The following MPDZ variants were observed in gnomAD, a reference collection of about 807,000 sequenced individuals.
MPDZ encodes multiple PDZ domain crumbs cell polarity complex component, also known as multiple PDZ domain protein.
A neutral mutation model predicts 239.1 loss-of-function variants in MPDZ; 234 were observed. The ratio of observed to expected loss-of-function variants is 0.98; its 90% CI spans 0.88 to 1.09. The LOEUF is 1.09. Among genes scored for constraint, MPDZ ranks in the 50% least tolerant of loss-of-function variants. The probability of loss-of-function intolerance (pLI) is 0.00; values close to 1 mark genes in which losing one functional copy is unlikely to be tolerated. For missense variants in MPDZ, 3,175 were observed against 2,510.0 expected (o/e 1.26, Z -5.66); for synonymous variants, 1,048 against 881.3 (o/e 1.19, Z -3.35).
rs960163225 is a variant in MPDZ, at chr9:13,136,261, T to C, written c.4293-79A>G. On this transcript the variant is annotated intron_variant, in intron 30 of 46. Coordinates refer to ENST00000319217, the MANE Select transcript of MPDZ (RefSeq NM_001378778.1). ...TCTTACTTCAAGAGTCAGAAGGTTA[T>C]TAGAGAAAATTATTTAACCCCCAAA... 4.7e-5 allele frequency: 41 copies of C among 876,744 alleles called. No individual in the cohort carries two copies. In the African/African-American group the frequency reaches 7.0e-4, roughly 15 times the overall value. 54.3% of individuals were successfully genotyped at this position (876,744 alleles called of 1,614,324 possible).
Position 13,125,335 on chromosome 9 carries a change from T to C in MPDZ, c.4688A>G (p.Glu1563Gly). The C allele has an allele frequency of 6.2e-7, 1 of 1,613,856 alleles. No individual in the cohort carries two copies. The highest frequency in any genetic ancestry group is 8.5e-7 in the Non-Finnish European group (1 of 1,179,734). The change falls in exon 35 of 47, where the codon GAG (glutamate) becomes GGG (glycine). Residue 1563 changes from glutamate (E) to glycine (G), a missense_variant. Transcript: ENST00000319217. ...AGGAACAGCCTGGGAATCTGGATTCTCAGCATGGATGGTAAGTTTTACTGT... is the reference window on the plus strand; with the variant it reads ...AGGAACAGCCTGGGAATCTGGATTCCCAGCATGGATGGTAAGTTTTACTGT... The part of the protein sequence containing the change: ...KMTVKLTIHA[E>G]NPDSQAVPSA...
chr9:13,181,299 A>C (rs922074294), intron 19 of MPDZ, among the ~76,000 whole-genome samples: 6 of 152,176 alleles, frequency 3.9e-5, no homozygotes, highest in Non-Finnish European at 7.3e-5. Context: ...TTTAAGAAAA[A>C]TTGTCAATTG....
At chr9:13,216,953 A>G in intron 9 of MPDZ, 91 bp from the exon 10 acceptor site, 1 of 996,796 alleles carries the variant, frequency 1.0e-6, no homozygotes, top group Non-Finnish European at 1.5e-6. Flanking sequence ...GCTCTAATTC[A>G]GAATAAATAC....
intron 6 of MPDZ, 77 bp from the exon 7 acceptor site, chr9:13,221,577 C>CTACT: frequency 6.7e-7 from 1 of 1,483,374 alleles, no homozygotes; most frequent in South Asian, 1.4e-5. Flanking sequence ...GAAATTTTTG[C>CTACT]GATTATTTTG....
intron 32 of MPDZ, 92 bp downstream of exon 32, chr9:13,133,732 A>T: frequency 2.3e-6 from 2 of 861,664 alleles, no homozygotes; most frequent in Non-Finnish European, 3.7e-6. Context: ...TGATGCTGTT[A>T]ATCTGGAGAC....
intron 31 of MPDZ, chr9:13,134,299 G>A (rs1390678923): frequency 6.6e-6 from 1 of 152,214 alleles, no homozygotes; most frequent in Non-Finnish European, 1.5e-5. Flanking sequence ...ATTCTTTACT[G>A]TGTTATTTAT....
intron 3 of MPDZ, among the ~76,000 whole-genome samples, chr9:13,234,102 T>C (rs1963294333): frequency 6.6e-6 from 1 of 152,182 alleles, no homozygotes; most frequent in Non-Finnish European, 1.5e-5. Context: ...ATAATAATTA[T>C]GCCATACTTT....
At position 13,219,594 on chromosome 9, in the gene MPDZ, G is replaced by A. The variant is rs3739757; in HGVS notation, c.1051C>T (p.Leu351Phe). The part of the protein sequence containing the change: ...RTAPTALGIT[L>F]SSSPTSTPEL... ...GGTGTTGAAGTTGGGGATGAGGAGA[G>A]GGTGATGCCCAAAGCAGTGGGTGCT... The change falls in exon 8 of 47, where the codon CTC (leucine) becomes TTC (phenylalanine). Residue 351 changes from leucine (L) to phenylalanine (F), a missense_variant. By Grantham distance (22) the Leu-to-Phe change is conservative (BLOSUM62 0). Transcript: ENST00000319217. 8.4e-4 allele frequency: 1,355 copies of A among 1,612,230 alleles called. 32 individuals are homozygous for A. In the East Asian group the frequency reaches 0.03, roughly 35 times the overall value.
chr9:13,118,670 C>G (rs1286864739), intron 39 of MPDZ, among the ~76,000 whole-genome samples: 1 of 152,176 alleles, frequency 6.6e-6, no homozygotes, highest in Admixed American at 6.5e-5. Flanking sequence ...TACAGGAATG[C>G]AAATCCCCTC....
Position 13,198,733 on chromosome 9 carries a change from C to CTGTG in MPDZ, c.1547-2504_1547-2503insCACA, listed in dbSNP as rs746268904. Among the ~76,000 whole-genome samples the CTGTG allele has an allele frequency of 8.4e-3, 748 of 89,422 alleles. 17 individuals carry two copies. The highest frequency in any genetic ancestry group is 0.039 in the South Asian group (109 of 2,792). The allele number at this position is 89,422 out of a possible 152,430, so 58.7% of individuals were successfully genotyped here. ...TCTTATATTTAGGTCTTTAATCTCT[C>CTGTG]TCTCTGTGTGTGTGTGTGTGTGTGT... On this transcript the variant is annotated intron_variant, in intron 12 of 46. Coordinates refer to ENST00000319217, the MANE Select transcript of MPDZ (RefSeq NM_001378778.1).
At chr9:13,251,581 C>T (rs1968029322) in intron 1 of MPDZ, among the ~76,000 whole-genome samples, 1 of 152,150 alleles carries the variant, frequency 6.6e-6, no homozygotes, top group Admixed American at 6.5e-5. Flanking sequence ...AAATCTACCA[C>T]CACACGTTCT....
rs765000675 is a variant in MPDZ at position 13,121,810 on chromosome 9, C to T, written c.5160G>A (p.Val1720=). The T allele has an allele frequency of 3.1e-6, 5 of 1,613,874 alleles. No individual in the cohort carries two copies. The highest frequency in any genetic ancestry group is 2.5e-6 in the Non-Finnish European group (3 of 1,179,906). Residue 1720 remains valine, a synonymous_variant, in exon 38 of 47, where the codon GTG becomes GTA. Transcript: ENST00000319217. ...GCAGCTCAATAGTGAGGGTGTCACA[C>T]ACTTCCTCCTCTTTGTATGGGGCCT... ...RDEAPYKEEE[V]CDTLTIELQK...
At chr9:13,235,469 CTAAT>C (rs1411478362) in intron 3 of MPDZ, among the ~76,000 whole-genome samples, 4 of 152,236 alleles carry the variant, frequency 2.6e-5, no homozygotes, top group African/African-American at 9.6e-5. Flanking sequence ...TCCATAATCA[CTAAT>C]GTGTTAAATA....
intron 1 of MPDZ, among the ~76,000 whole-genome samples, chr9:13,260,155 A>G (rs1205127108): frequency 6.6e-6 from 1 of 151,978 alleles, no homozygotes; most frequent in African/African-American, 2.4e-5. Context: ...AAGAGTTTAG[A>G]TTTAATTAGA....
intron 13 of MPDZ, among the ~76,000 whole-genome samples, chr9:13,194,568 A>T (rs931214025): frequency 2.7e-4 from 41 of 152,208 alleles, no homozygotes; most frequent in African/African-American, 9.6e-4. Context: ...AAGGGGAGGG[A>T]GAGCATTAGG....
At position 13,168,234 on chromosome 9, in the gene MPDZ, T is replaced by C. The variant is rs558193002; in HGVS notation, c.3254+132A>G. 4.3e-5 allele frequency: 35 copies of C among 810,386 alleles called. No homozygotes were observed. In the South Asian group the frequency reaches 6.1e-4, roughly 14 times the overall value. 50.2% of individuals were successfully genotyped at this position (810,386 alleles called of 1,614,324 possible). A position where few individuals can be genotyped will look rare whatever the true frequency, so the allele number is the denominator to read the frequency against. On this transcript the variant is annotated intron_variant, in intron 22 of 46. Transcript: ENST00000319217. ...GAGAACTACTCAAAAATAGTCAATTTCTTGAGTGATTTATGTTAAAAAAAA... is the reference window on the plus strand; with the variant it reads ...GAGAACTACTCAAAAATAGTCAATTCCTTGAGTGATTTATGTTAAAAAAAA...
intron 12 of MPDZ, among the ~76,000 whole-genome samples, chr9:13,202,497 C>T (rs1478278531): frequency 6.6e-6 from 1 of 152,136 alleles, no homozygotes; most frequent in African/African-American, 2.4e-5. Context: ...TTCAACATGG[C>T]GTACCCACTT....
At chr9:13,145,036 G>C (rs1948244770) in intron 26 of MPDZ, among the ~76,000 whole-genome samples, 1 of 151,954 alleles carries the variant, frequency 6.6e-6, no homozygotes, top group Non-Finnish European at 1.5e-5. Flanking sequence ...TTTAAAGAAA[G>C]CTCTAGTTTT....
At chr9:13,196,039 A>G in intron 13 of MPDZ, 82 bp downstream of exon 13, 1 of 859,798 alleles carries the variant, frequency 1.2e-6, no homozygotes, top group South Asian at 1.9e-5. Flanking sequence ...TGGAACTCTA[A>G]TGATTGCCTC....
Sources: allele counts gnomAD v4.1 joint callset (sites outside exome capture counted in the v4.1 genomes callset), GRCh38; gene constraint gnomAD v4.1.1; transcripts MANE v1.5; gene names NCBI Gene and HGNC (gene_info 2026-07-23, HGNC 2026-07-21).